Variants in ASIC2 observed in about 807,000 individuals in gnomAD.
The protein encoded by ASIC2 is acid-sensing ion channel 2.
Under a neutral mutation model 57.3 loss-of-function variants are expected in ASIC2, and 25 were observed. The ratio of observed to expected loss-of-function variants is 0.44; its 90% CI spans 0.32 to 0.61. The LOEUF is 0.61. Among genes scored for constraint, ASIC2 ranks in the 20% least tolerant of loss-of-function variants. The pLI, the probability that ASIC2 is intolerant of heterozygous loss-of-function variation, is 0.06. For synonymous variants in ASIC2, 319 were observed against 307.5 expected (o/e 1.04, Z -0.39); for missense variants, 641 against 738.1 (o/e 0.87, Z 1.52).
In ASIC2 at chr17:33,799,402, C is replaced by T. The variant is rs866542466; in HGVS notation, c.555+356576G>A. On this transcript the variant is annotated intron_variant, in intron 1 of 9. Transcript: ENST00000359872. Reference sequence around the variant, plus strand: ...CCTTTCTTTCTTTCTTTCTTTCTTTCTTTTCTTTCTTTCTTTCTTTCTTTC... The same window carrying T: ...CCTTTCTTTCTTTCTTTCTTTCTTTTTTTTCTTTCTTTCTTTCTTTCTTTC... Among the ~76,000 whole-genome samples the T allele has an allele frequency of 4.1e-3, 249 of 60,668 alleles. 4 individuals carry two copies. The highest frequency in any genetic ancestry group is 0.012 in the African/African-American group (210 of 17,038). 39.8% of individuals were successfully genotyped at this position (60,668 alleles called of 152,430 possible).
intron 1 of ASIC2, among the ~76,000 whole-genome samples, chr17:33,903,333 C>T (rs1309589849): frequency 6.6e-6 from 1 of 152,126 alleles, no homozygotes; most frequent in Non-Finnish European, 1.5e-5. Flanking sequence ...TAATCTGTCC[C>T]TCTGCTTATC....
At chr17:33,294,620 A>C (rs528107726), upstream of ASIC2, among the ~76,000 whole-genome samples, 12 of 151,396 alleles carry the variant, frequency 7.9e-5, no homozygotes, top group African/African-American at 1.7e-4. Flanking sequence ...CATATACACA[A>C]ACACACACAC....
chr17:33,443,031 T>C (rs58964241), intron 1 of ASIC2, among the ~76,000 whole-genome samples: 33,374 of 152,230 alleles, frequency 0.22, 3,953 homozygotes, highest in Middle Eastern at 0.34. Flanking sequence ...CTTATTGTGA[T>C]TGTATGGTTT....
chr17:33,328,479 C>T (rs137909184), intron 1 of ASIC2, among the ~76,000 whole-genome samples: 1 of 152,158 alleles, frequency 6.6e-6, no homozygotes, highest in African/African-American at 2.4e-5. Context: ...TTCTCCTCTT[C>T]CCTCTTCTAA....
chr17:33,202,017 C>CAAAAA (rs55724157), intron 1 of ASIC2, among the ~76,000 whole-genome samples: 72 of 92,026 alleles, frequency 7.8e-4, no homozygotes, highest in Non-Finnish European at 1.2e-3. Flanking sequence ...GAGACTGTCT[C>CAAAAA]AAAAAAAAAA....
intron 3 of ASIC2, among the ~76,000 whole-genome samples, chr17:33,076,813 G>A (rs1013601150): frequency 1.4e-4 from 22 of 152,194 alleles, no homozygotes; most frequent in Admixed American, 2.6e-4. Flanking sequence ...TCCCTCCTCA[G>A]TATAATCATC....
intron 1 of ASIC2, among the ~76,000 whole-genome samples, chr17:33,547,661 C>A (rs1023450773): frequency 1.4e-4 from 21 of 152,160 alleles, no homozygotes; most frequent in Admixed American, 6.5e-5. Context: ...GTAATGAGGA[C>A]TTTTGGCCTC....
chr17:33,685,940 C>T (rs970951426), intron 1 of ASIC2, among the ~76,000 whole-genome samples: 9 of 152,152 alleles, frequency 5.9e-5, no homozygotes, highest in African/African-American at 1.2e-4. Context: ...CTCTCAGTCA[C>T]GGGGGACCGG....
intron 1 of ASIC2, among the ~76,000 whole-genome samples, chr17:34,061,763 G>A (rs1332648970): frequency 9.1e-6 from 1 of 110,144 alleles, no homozygotes. Flanking sequence ...AGCAACAGCA[G>A]TTGAAAGAGA....
At chr17:33,813,440 A>C (rs998075960) in intron 1 of ASIC2, among the ~76,000 whole-genome samples, 1 of 151,990 alleles carries the variant, frequency 6.6e-6, no homozygotes, top group Non-Finnish European at 1.5e-5. Flanking sequence ...TTTGTTTTTG[A>C]TTTTTGTTTT....
intron 1 of ASIC2, among the ~76,000 whole-genome samples, chr17:33,765,299 G>A (rs1195251369): frequency 6.6e-6 from 1 of 151,964 alleles, no homozygotes; most frequent in Non-Finnish European, 1.5e-5. Context: ...TAGTAGAGAC[G>A]GGGTTTCACC....
chr17:33,682,585 T>TTAGATTTATGAATTTA (rs751569967), intron 1 of ASIC2, among the ~76,000 whole-genome samples: 1,979 of 152,290 alleles, frequency 0.013, 15 homozygotes, highest in Middle Eastern at 0.02. Flanking sequence ...CCTGGCTTAA[T>TTAGATTTATGAATTTA]GCCACAGTCA....
chr17:33,397,435 G>A (rs1910118553), intron 1 of ASIC2, among the ~76,000 whole-genome samples: 1 of 152,166 alleles, frequency 6.6e-6, no homozygotes, highest in African/African-American at 2.4e-5. Context: ...ACTAGCAGGG[G>A]ACCTTACATG....
At chr17:33,282,030 T>G (rs375137795) in intron 1 of ASIC2, among the ~76,000 whole-genome samples, 2 of 152,238 alleles carry the variant, frequency 1.3e-5, no homozygotes, top group African/African-American at 4.8e-5. Flanking sequence ...ACTAGATGCA[T>G]GTTTGTTACA....
intron 3 of ASIC2, among the ~76,000 whole-genome samples, chr17:33,066,731 C>T (rs2141945384): frequency 6.6e-6 from 1 of 152,272 alleles, no homozygotes; most frequent in East Asian, 1.9e-4. Flanking sequence ...TGGAGGTGAG[C>T]TACCTGCTAT....
At chr17:33,989,750 G>T (rs1003056799) in intron 1 of ASIC2, among the ~76,000 whole-genome samples, 2 of 152,184 alleles carry the variant, frequency 1.3e-5, no homozygotes, top group African/African-American at 2.4e-5. Flanking sequence ...TTTGTACAAG[G>T]TGTCACTGCA....
intron 1 of ASIC2, among the ~76,000 whole-genome samples, chr17:33,851,724 G>C (rs773561208): frequency 3.3e-5 from 5 of 152,194 alleles, no homozygotes; most frequent in Non-Finnish European, 7.3e-5. Flanking sequence ...AGTATCCCCA[G>C]TTGTGACAGC....
At chr17:33,120,585 C>T (rs2092298336) in intron 1 of ASIC2, among the ~76,000 whole-genome samples, 1 of 152,192 alleles carries the variant, frequency 6.6e-6, no homozygotes, top group Admixed American at 6.5e-5. Flanking sequence ...CCTGACAACT[C>T]ATCTGAGAAT....
Position 34,156,188 on chromosome 17 carries a change from G to C in ASIC2, c.345C>G (p.Ala115=), listed in dbSNP as rs1313837107. The change falls in exon 1 of 10, where the codon GCC becomes GCG. Residue 115 remains alanine, a synonymous_variant. Coordinates refer to the ASIC2 transcript ENST00000359872. The surrounding 1 kb of genome is among the most constrained non-coding windows in gnomAD (Gnocchi z 4.4). ...GGATCTGCAGGTTGACATCCAGCAG[G>C]GCCAGCAGCTCCCCAGCATGGTACA... 6.2e-7 allele frequency: 1 copy of C among 1,614,102 alleles called. No homozygotes were observed. The highest frequency in any genetic ancestry group is 8.5e-7 in the Non-Finnish European group (1 of 1,180,012).
Sources: allele counts gnomAD v4.1 joint callset (sites outside exome capture counted in the v4.1 genomes callset), GRCh38; gene constraint gnomAD v4.1.1; non-coding constraint Gnocchi (gnomAD v3.1); transcripts MANE v1.5; gene names NCBI Gene and HGNC (gene_info 2026-07-23, HGNC 2026-07-21).